Variants in RAD54B observed in about 807,000 individuals in gnomAD.
RAD54B encodes the protein DNA repair and recombination protein RAD54B.
In RAD54B, 78 loss-of-function variants were observed where a neutral mutation model predicts 95.8. The ratio of observed to expected loss-of-function variants is 0.81; its 90% CI spans 0.68 to 0.98. The LOEUF (loss-of-function observed/expected upper bound fraction) is 0.98, where lower values mean the gene tolerates loss of function less well. Ranked by LOEUF, RAD54B falls within the 50% of genes least tolerant of loss-of-function variation. The pLI is 0.00. For synonymous variants in RAD54B, 328 were observed against 354.9 expected (o/e 0.92, Z 0.85); for missense variants, 957 against 1,056.6 (o/e 0.91, Z 1.31).
intron 11 of RAD54B, among the ~76,000 whole-genome samples, chr8:94,382,054 C>T (rs1331559107): frequency 6.8e-6 from 1 of 147,440 alleles, no homozygotes; most frequent in Non-Finnish European, 1.5e-5. Context: ...GCGGAGCTTG[C>T]AGTGAGCCGA....
Position 94,399,539 on chromosome 8 carries a change from T to C in RAD54B, c.1253A>G (p.Asp418Gly). 1 of 1,613,252 alleles carries C rather than the reference T, an allele frequency of 6.2e-7. No individual in the cohort carries two copies. The highest frequency in any genetic ancestry group is 8.5e-7 in the Non-Finnish European group (1 of 1,179,542). Residue 418 changes from aspartate to glycine, a missense_variant, in exon 8 of 15, where the codon GAT becomes GGT. By Grantham distance (94) the Asp-to-Gly change is moderately conservative. Coordinates refer to ENST00000336148, the MANE Select transcript of RAD54B (RefSeq NM_012415.3). ...ATCAAATTTTATATTCTTAATTTGATCCAGGGAACGAAGTAACATTTCATA... is the reference window on the plus strand; with the variant it reads ...ATCAAATTTTATATTCTTAATTTGACCCAGGGAACGAAGTAACATTTCATA... ...ISYEMLLRSLDQIKNIKFDLL... is the reference protein window; with the variant it reads ...ISYEMLLRSLGQIKNIKFDLL...
At chr8:94,430,258 C>T in intron 3 of RAD54B, 1 of 835,914 alleles carries the variant, frequency 1.2e-6, no homozygotes, top group Non-Finnish European at 1.4e-6. Flanking sequence ...TTGCAGTGAG[C>T]CAACATCGCA....
At chr8:94,415,869 C>T (rs1200021416) in intron 3 of RAD54B, among the ~76,000 whole-genome samples, 1 of 151,902 alleles carries the variant, frequency 6.6e-6, no homozygotes, top group Admixed American at 6.6e-5. Flanking sequence ...CAGGAAACAA[C>T]AGGTGCTGGA....
chr8:94,441,997 A>G (rs1383186727), intron 3 of RAD54B, among the ~76,000 whole-genome samples: 1 of 152,262 alleles, frequency 6.6e-6, no homozygotes, highest in Non-Finnish European at 1.5e-5. Context: ...AATCAACCTA[A>G]GTGTCCATCA....
Position 94,417,480 on chromosome 8 carries a change from T to TA in RAD54B, c.305-6166dup, listed in dbSNP as rs34766725. ...ACATCTTGATTATACTGACTAAAAT[T>TA]AAAAAAAAAAAAAAACTGACCACAG... On this transcript the variant is annotated intron_variant, in intron 3 of 14. Coordinates refer to ENST00000336148, the MANE Select transcript of RAD54B (RefSeq NM_012415.3). 4.1e-3 allele frequency among the ~76,000 whole-genome samples: 581 copies of TA among 140,898 alleles called. 4 individuals are homozygous for TA. The highest frequency in any genetic ancestry group is 7.7e-3 in the South Asian group (35 of 4,518). 92.4% of individuals were successfully genotyped at this position (140,898 alleles called of 152,430 possible).
Position 94,387,003 on chromosome 8 carries a change from C to A in RAD54B, c.1966G>T (p.Glu656Ter). 1 of 1,597,330 alleles carries A rather than the reference C, an allele frequency of 6.3e-7. No individual in the cohort carries two copies. Among genetic ancestry groups the A allele is most frequent in the South Asian group, 1.2e-5 (1 of 86,788 alleles). ...TCTTACTTTTCAGTAGGTCGAAGTT[C>A]GTGGATAACCGCTAAGAGCTTGGAC... ...VLSKLLAVIH[E>*]LRPTEKVVLV... Residue 656 changes from glutamate to a stop codon, truncating the protein, a stop_gained, in exon 11 of 15, where the codon GAA (glutamate) becomes TAA (stop). Coordinates refer to ENST00000336148, the MANE Select transcript of RAD54B (RefSeq NM_012415.3). LOFTEE classifies it high-confidence loss of function.
At chr8:94,406,027 C>CACACACAT (rs11281421) in intron 5 of RAD54B, among the ~76,000 whole-genome samples, 2,547 of 150,424 alleles carry the variant, frequency 0.017, 38 homozygotes, top group South Asian at 0.054. Context: ...CACACACACA[C>CACACACAT]ATATATATAA....
Position 94,458,282 on chromosome 8 carries a change from T to A in RAD54B, c.290A>T (p.Asp97Val). 1 of 1,605,754 alleles carries A rather than the reference T, an allele frequency of 6.2e-7. No homozygotes were observed. Among genetic ancestry groups the A allele is most frequent in the Non-Finnish European group, 8.5e-7 (1 of 1,177,336 alleles). Reference sequence around the variant, plus strand: ...AGCAGTCTTACCTGTATGAGGTGGATCTAATGTTGCCAGTGTAGGTGCTTC... The same window carrying A: ...AGCAGTCTTACCTGTATGAGGTGGAACTAATGTTGCCAGTGTAGGTGCTTC... ...CFEAPTLATLDPPHTVHSAPK... is the reference protein window; with the variant it reads ...CFEAPTLATLVPPHTVHSAPK... Residue 97 changes from aspartate (D) to valine (V), a missense_variant, in exon 3 of 15, where the codon GAT becomes GTT. By Grantham distance (152) the Asp-to-Val change is radical. Transcript: ENST00000336148.
chr8:94,372,497 A>G, intron 14 of RAD54B, 110 bp from the exon 15 acceptor site: 1 of 1,485,782 alleles, frequency 6.7e-7, no homozygotes, highest in Non-Finnish European at 8.9e-7. Flanking sequence ...ACATTTGATC[A>G]CCATGGTTCA....
At chr8:94,409,995 T>C (rs1003081047) in intron 4 of RAD54B, among the ~76,000 whole-genome samples, 9 of 152,196 alleles carry the variant, frequency 5.9e-5, no homozygotes, top group African/African-American at 1.9e-4. Context: ...ACACAGTTGT[T>C]CCATATTTTT....
intron 3 of RAD54B, among the ~76,000 whole-genome samples, chr8:94,453,867 C>G (rs957413287): frequency 2.0e-5 from 3 of 152,088 alleles, no homozygotes; most frequent in Non-Finnish European, 4.4e-5. Flanking sequence ...TCTCGGCTCA[C>G]TGCAACCTCT....
chr8:94,378,610 C>T lies in RAD54B; in HGVS notation c.2272G>A (p.Gly758Ser). 1 of 1,610,074 alleles carries T rather than the reference C, an allele frequency of 6.2e-7. No individual in the cohort carries two copies. The highest frequency in any genetic ancestry group is 1.1e-5 in the South Asian group (1 of 90,410). The change falls in exon 13 of 15, where the codon GGT becomes AGT. Residue 758 changes from glycine to serine, a missense_variant. Transcript: ENST00000336148. The part of the protein sequence containing the change: ...IQAMSRVWRD[G>S]QKYPVHIYRL... ...TAAATATGTACAGGATATTTCTGAC[C>T]ATCTCTCCATACTCTAGACATTGCC...
chr8:94,405,768 A>C (rs141594003), intron 5 of RAD54B, among the ~76,000 whole-genome samples: 59 of 152,338 alleles, frequency 3.9e-4, no homozygotes, highest in African/African-American at 1.3e-3. Context: ...AAAGGACTAT[A>C]GGATTATAAA....
chr8:94,440,350 T>A (rs1269383454), intron 3 of RAD54B, among the ~76,000 whole-genome samples: 4 of 152,188 alleles, frequency 2.6e-5, no homozygotes. Flanking sequence ...AAAAATAGAA[T>A]GGACAAGTTT....
At chr8:94,453,556 T>C (rs1179822591) in intron 3 of RAD54B, among the ~76,000 whole-genome samples, 1 of 152,110 alleles carries the variant, frequency 6.6e-6, no homozygotes, top group Non-Finnish European at 1.5e-5. Context: ...AATAAGGTAG[T>C]TCTAAATGCA....
chr8:94,442,512 T>C (rs554275017), intron 3 of RAD54B, among the ~76,000 whole-genome samples: 4 of 150,670 alleles, frequency 2.7e-5, no homozygotes, highest in East Asian at 2.0e-4. Context: ...GAGGCGGAGC[T>C]TGCAGTGAGC....
At chr8:94,388,242 C>T (rs1810938716) in intron 10 of RAD54B, among the ~76,000 whole-genome samples, 1 of 152,176 alleles carries the variant, frequency 6.6e-6, no homozygotes, top group Admixed American at 6.5e-5. Flanking sequence ...CCCTCCTCTG[C>T]CTCCTCTCCT....
rs989579376 is a variant in RAD54B, at chr8:94,407,481, C to G, written c.739G>C (p.Asp247His). The change falls in exon 5 of 15, where the codon GAT (aspartate) becomes CAT (histidine). Residue 247 changes from aspartate (D) to histidine (H), a missense_variant. Physicochemically the swap from Asp to His is moderately conservative, Grantham distance 81 (BLOSUM62 -1). Coordinates refer to ENST00000336148, the MANE Select transcript of RAD54B (RefSeq NM_012415.3). ...KPSSKENRQN[D>H]FQNCKPRHDP... ...TGGCGTGGTTTGCAATTTTGGAAAT[C>G]ATTCTGTCTATTTTCCTTTGAACTT... 1.9e-6 allele frequency: 3 copies of G among 1,613,638 alleles called. No individual in the cohort carries two copies. Among genetic ancestry groups the G allele is most frequent in the Non-Finnish European group, 2.5e-6 (3 of 1,179,762 alleles).
chr8:94,400,503 A>G (rs1290056952), intron 6 of RAD54B, 40 bp from the exon 7 acceptor site: 1 of 1,491,184 alleles, frequency 6.7e-7, no homozygotes, highest in South Asian at 1.2e-5. Flanking sequence ...CACAATAGAA[A>G]AATATTTTAT....
Sources: allele counts gnomAD v4.1 joint callset (sites outside exome capture counted in the v4.1 genomes callset), GRCh38; gene constraint gnomAD v4.1.1; transcripts MANE v1.5; gene names NCBI Gene and HGNC (gene_info 2026-07-23, HGNC 2026-07-21).